The following GBF1 variants were observed in gnomAD, a reference collection of about 807,000 sequenced individuals.
GBF1 encodes the protein golgi brefeldin A resistant guanine nucleotide exchange factor 1.
Under a neutral mutation model 210.5 loss-of-function variants are expected in GBF1, and 114 were observed. The observed-to-expected ratio is 0.54, with a 90% CI of 0.47 to 0.63. GBF1 has a LOEUF of 0.63. GBF1 is among the 30% of genes least tolerant of loss of function. The probability of loss-of-function intolerance (pLI) is 0.00; values close to 1 mark genes in which losing one functional copy is unlikely to be tolerated. For missense variants in GBF1, 1,851 were observed against 2,357.7 expected (o/e 0.79, Z 4.45); for synonymous variants, 850 against 889.2 (o/e 0.96, Z 0.78).
chr10:102,336,551 A>G (rs1176365844), intron 3 of GBF1, among the ~76,000 whole-genome samples: 1 of 152,116 alleles, frequency 6.6e-6, no homozygotes, highest in Non-Finnish European at 1.5e-5. Flanking sequence ...ATTTATTTTA[A>G]ATGTAATTTA....
intron 3 of GBF1, among the ~76,000 whole-genome samples, chr10:102,277,253 G>A (rs1011538047): frequency 6.6e-6 from 1 of 152,102 alleles, no homozygotes; most frequent in African/African-American, 2.4e-5. Flanking sequence ...AATCTGGGAG[G>A]TGAAGGCTGA....
intron 3 of GBF1, among the ~76,000 whole-genome samples, chr10:102,273,934 A>T (rs556881604): frequency 6.6e-6 from 1 of 152,222 alleles, no homozygotes; most frequent in Admixed American, 6.5e-5. Context: ...TAGACATATC[A>T]TGTTAGACAT....
chr10:102,382,429 C>T lies in GBF1; in HGVS notation c.*93C>T. The T allele has an allele frequency of 9.0e-7, 1 of 1,107,058 alleles. No homozygotes were observed. Among genetic ancestry groups the T allele is most frequent in the Non-Finnish European group, 1.3e-6 (1 of 775,132 alleles). The allele number at this position is 1,107,058 out of a possible 1,614,324, so 68.6% of individuals were successfully genotyped here. On this transcript the variant is annotated 3_prime_UTR_variant, in exon 40 of 40. Coordinates refer to ENST00000369983, the MANE Select transcript of GBF1 (RefSeq NM_001377137.1). Reference sequence around the variant, plus strand: ...CCTGCGGGCCACAAGCTCTTCAGGCCAAGTCAGAGCTGCTGTTGCTGCCAC... The same window carrying T: ...CCTGCGGGCCACAAGCTCTTCAGGCTAAGTCAGAGCTGCTGTTGCTGCCAC...
At chr10:102,381,823 GAA>G (rs386372282) in intron 39 of GBF1, among the ~76,000 whole-genome samples, 247 of 19,046 alleles carry the variant, frequency 0.013, no homozygotes, top group African/African-American at 0.045. Flanking sequence ...ACCCTGTCGC[GAA>G]AAAAAAAAAA....
chr10:102,375,673 G>A (rs1469417485), intron 30 of GBF1, 89 bp downstream of exon 30: 1 of 828,352 alleles, frequency 1.2e-6, no homozygotes, highest in African/African-American at 1.7e-5. Flanking sequence ...AGGTTACTGT[G>A]TTCAGCAGAT....
the GBF1 span, among the ~76,000 whole-genome samples, chr10:102,236,557 G>C: frequency 6.6e-6 from 1 of 152,192 alleles, no homozygotes; most frequent in Middle Eastern, 3.2e-3. Flanking sequence ...AGGAAGCCTG[G>C]TCATGGACTG....
At chr10:102,335,373 T>C (rs2057657454) in intron 3 of GBF1, among the ~76,000 whole-genome samples, 1 of 152,170 alleles carries the variant, frequency 6.6e-6, no homozygotes, top group Non-Finnish European at 1.5e-5. Context: ...TTTGGCTGCT[T>C]GGCTGGGGTG....
chr10:102,354,187 T>A (rs1183739947), intron 8 of GBF1, among the ~76,000 whole-genome samples: 1 of 152,186 alleles, frequency 6.6e-6, no homozygotes, highest in East Asian at 1.9e-4. Flanking sequence ...CACGGGCCTC[T>A]GATGAGGATT....
chr10:102,310,608 A>G (rs1332545346), intron 3 of GBF1, among the ~76,000 whole-genome samples: 2 of 152,222 alleles, frequency 1.3e-5, no homozygotes. Context: ...GGGTTTACAC[A>G]TTAACTATGG....
chr10:102,238,039 T>TGAGAAAGAA, the GBF1 span, among the ~76,000 whole-genome samples: 3 of 152,068 alleles, frequency 2.0e-5, no homozygotes, highest in Admixed American at 6.5e-5. Flanking sequence ...AAGGAGAAAC[T>TGAGAAAGAA]ATTAACTGAA....
Position 102,271,828 on chromosome 10 carries a change from C to T in GBF1, c.163+11712C>T, listed in dbSNP as rs904383618. 5.9e-5 allele frequency among the ~76,000 whole-genome samples: 9 copies of T among 151,336 alleles called. No homozygotes were observed. The South Asian group carries it at 8.4e-4, about 14-fold the overall frequency. ...GTACAGTGGTGTGATCTCAGCTCACCACAGTCTCCACCTCCTGGGCTCAAG... is the reference window on the plus strand; with the variant it reads ...GTACAGTGGTGTGATCTCAGCTCACTACAGTCTCCACCTCCTGGGCTCAAG... On this transcript the variant is annotated intron_variant, in intron 3 of 39. Transcript: ENST00000369983.
intron 3 of GBF1, among the ~76,000 whole-genome samples, chr10:102,292,946 T>C (rs1445961621): frequency 2.0e-5 from 3 of 152,250 alleles, no homozygotes; most frequent in African/African-American, 7.2e-5. Flanking sequence ...ACTTGTTATG[T>C]AAGTTTCTAT....
intron 4 of GBF1, among the ~76,000 whole-genome samples, chr10:102,349,128 GAT>G (rs1168030063): frequency 1.3e-5 from 2 of 152,000 alleles, no homozygotes; most frequent in African/African-American, 4.8e-5. Context: ...CAGCCTGGGC[GAT>G]AGAGCAAGAC....
chr10:102,302,539 G>T lies in GBF1; in HGVS notation c.164-41512G>T, dbSNP rs1395345319. ...ATGGGGCTACTGGCCCTTAGGCAAG[G>T]TCCTGAGATTATCCTAAAATTATGG... is the stretch of plus-strand genomic sequence containing the variant. On this transcript the variant is annotated intron_variant, in intron 3 of 39. Transcript: ENST00000369983. 2.0e-5 allele frequency among the ~76,000 whole-genome samples: 3 copies of T among 152,266 alleles called. No individual in the cohort carries two copies. The East Asian group carries it at 5.8e-4, about 29-fold the overall frequency.
At chr10:102,375,241 G>C in intron 29 of GBF1, 118 bp from the exon 30 acceptor site, 1 of 665,500 alleles carries the variant, frequency 1.5e-6, no homozygotes, top group Non-Finnish European at 2.7e-6. Flanking sequence ...CCTAAATTGG[G>C]TCCTAGCCAA....
At chr10:102,340,365 C>T (rs1488206059) in intron 3 of GBF1, among the ~76,000 whole-genome samples, 1 of 151,252 alleles carries the variant, frequency 6.6e-6, no homozygotes, top group Non-Finnish European at 1.5e-5. Context: ...CTCTGCCTCC[C>T]AGGTTCACGC....
intron 3 of GBF1, among the ~76,000 whole-genome samples, chr10:102,310,752 G>T (rs937808851): frequency 6.6e-6 from 1 of 152,232 alleles, no homozygotes; most frequent in Admixed American, 6.5e-5. Flanking sequence ...CAGCGGCAAA[G>T]AGGCCATGTT....
intron 3 of GBF1, among the ~76,000 whole-genome samples, chr10:102,295,712 AGC>A (rs2076855654): frequency 6.6e-6 from 1 of 152,148 alleles, no homozygotes; most frequent in South Asian, 2.1e-4. Flanking sequence ...AATTTTCATA[AGC>A]TTTTTTTAAA....
intron 4 of GBF1, among the ~76,000 whole-genome samples, chr10:102,349,878 C>G (rs2058826083): frequency 6.6e-6 from 1 of 152,150 alleles, no homozygotes; most frequent in Non-Finnish European, 1.5e-5. Context: ...TGCCGGTTGT[C>G]TGACCTCTAG....
Sources: allele counts gnomAD v4.1 joint callset (sites outside exome capture counted in the v4.1 genomes callset), GRCh38; gene constraint gnomAD v4.1.1; transcripts MANE v1.5; gene names NCBI Gene and HGNC (gene_info 2026-07-23, HGNC 2026-07-21).